The following SAMD13 variants were observed in gnomAD, a reference collection of about 807,000 sequenced individuals.
SAMD13 encodes the protein sterile alpha motif domain containing 13.
SAMD13 carries 9 observed loss-of-function variants against 12.4 expected under a neutral mutation model. That is an observed-to-expected ratio of 0.72 (90% CI 0.44 to 1.26). SAMD13 has a LOEUF of 1.26. SAMD13 is among the 50% of genes most tolerant of loss of function. SAMD13 has a pLI of 0.00. For missense variants in SAMD13, 84 were observed against 119.6 expected (o/e 0.70, Z 1.39); for synonymous variants, 46 against 45.4 (o/e 1.01, Z -0.05).
intron 3 of SAMD13, among the ~76,000 whole-genome samples, chr1:84,325,978 T>C (rs865997116): frequency 3.9e-5 from 6 of 152,202 alleles, no homozygotes; most frequent in Middle Eastern, 6.8e-3. Context: ...AGAAGAAGGC[T>C]AAAGCTCATT....
At chr1:84,321,492 T>G (rs1263095499) in intron 2 of SAMD13, among the ~76,000 whole-genome samples, 1 of 152,154 alleles carries the variant, frequency 6.6e-6, no homozygotes, top group East Asian at 1.9e-4. Flanking sequence ...AAGGGGCACT[T>G]TTGTATTTGC....
At chr1:84,331,352 A>AT (rs1307955289) in intron 3 of SAMD13, among the ~76,000 whole-genome samples, 4,344 of 25,842 alleles carry the variant, frequency 0.17, 800 homozygotes, top group African/African-American at 0.3. Context: ...AAAAAAAAAA[A>AT]AAAAAATTAT....
chr1:84,344,284 C>T (rs554267462), intron 3 of SAMD13, among the ~76,000 whole-genome samples: 1 of 152,322 alleles, frequency 6.6e-6, no homozygotes, highest in African/African-American at 2.4e-5. Context: ...GCCACACAAA[C>T]AGCTTCTCTC....
intron 3 of SAMD13, among the ~76,000 whole-genome samples, chr1:84,332,347 A>T (rs1465417680): frequency 6.6e-6 from 1 of 152,148 alleles, no homozygotes; most frequent in Non-Finnish European, 1.5e-5. Context: ...TTACATTCCC[A>T]CCACTACTGC....
intron 2 of SAMD13, among the ~76,000 whole-genome samples, chr1:84,324,448 C>T (rs577753250): frequency 6.6e-6 from 1 of 152,208 alleles, no homozygotes; most frequent in Non-Finnish European, 1.5e-5. Context: ...GAAAGCTTCC[C>T]CTATCCCTTT....
At chr1:84,305,930 G>T (rs1000802570) in intron 2 of SAMD13, among the ~76,000 whole-genome samples, 1 of 151,690 alleles carries the variant, frequency 6.6e-6, no homozygotes, top group Non-Finnish European at 1.5e-5. Context: ...ATCCAACTTT[G>T]TTTTTTTCAA....
intron 3 of SAMD13, among the ~76,000 whole-genome samples, chr1:84,328,255 T>C (rs1387274157): frequency 6.6e-6 from 1 of 152,124 alleles, no homozygotes; most frequent in Admixed American, 6.6e-5. Flanking sequence ...TCTCATTCTG[T>C]CCCAATGGAC....
At chr1:84,302,259 A>T (rs1261302063) in intron 1 of SAMD13, among the ~76,000 whole-genome samples, 1 of 152,026 alleles carries the variant, frequency 6.6e-6, no homozygotes, top group Admixed American at 6.5e-5. Flanking sequence ...GCCGAAGTAT[A>T]AAGTGATTTG....
intron 3 of SAMD13, among the ~76,000 whole-genome samples, chr1:84,343,444 G>A (rs1462975498): frequency 1.3e-5 from 2 of 152,132 alleles, no homozygotes. Context: ...GCAAAGACAT[G>A]GAATTAACCC....
chr1:84,311,157 G>A (rs1678700566), intron 2 of SAMD13, among the ~76,000 whole-genome samples: 1 of 151,884 alleles, frequency 6.6e-6, no homozygotes. Flanking sequence ...CCAACATGGT[G>A]AAATCCCATC....
rs1420479355 is a variant in SAMD13 at position 84,349,668 on chromosome 1, A to G, written c.203A>G (p.Asn68Ser). 3 of 1,613,756 alleles carry G rather than the reference A, an allele frequency of 1.9e-6. No homozygotes were observed. Among genetic ancestry groups the G allele is most frequent in the Non-Finnish European group, 2.5e-6 (3 of 1,179,838 alleles). The part of the protein sequence containing the change: ...DGKSLLLMTR[N>S]DVLTGLQLKL... ...AAATCCCTGCTATTGATGACAAGAAATGATGTGTTGACAGGACTTCAGTTA... is the reference window on the plus strand; with the variant it reads ...AAATCCCTGCTATTGATGACAAGAAGTGATGTGTTGACAGGACTTCAGTTA... Residue 68 changes from asparagine to serine, a missense_variant, in exon 4 of 4, where the codon AAT becomes AGT. Coordinates refer to ENST00000394834, the MANE Select transcript of SAMD13 (RefSeq NM_001134663.2).
chr1:84,310,510 T>C (rs930787638), intron 2 of SAMD13, among the ~76,000 whole-genome samples: 10 of 152,328 alleles, frequency 6.6e-5, no homozygotes, highest in South Asian at 2.1e-4. Flanking sequence ...AAAATTTTCA[T>C]TGGGCATATT....
chr1:84,329,405 A>G (rs1429164452), intron 3 of SAMD13, among the ~76,000 whole-genome samples: 1 of 152,212 alleles, frequency 6.6e-6, no homozygotes, highest in African/African-American at 2.4e-5. Flanking sequence ...CCTGACTTCC[A>G]GGACAGTATC....
intron 3 of SAMD13, among the ~76,000 whole-genome samples, chr1:84,336,982 C>A (rs926225260): frequency 3.3e-5 from 5 of 152,336 alleles, no homozygotes; most frequent in Non-Finnish European, 7.4e-5. Flanking sequence ...TCTTTAAGCT[C>A]CAAAATGATC....
intron 3 of SAMD13, among the ~76,000 whole-genome samples, chr1:84,338,159 G>A (rs966253605): frequency 2.0e-5 from 3 of 152,086 alleles, no homozygotes; most frequent in African/African-American, 7.2e-5. Flanking sequence ...CTGTTACCCA[G>A]TTTCAAAGTC....
At chr1:84,339,750 A>G (rs1400826757) in intron 3 of SAMD13, among the ~76,000 whole-genome samples, 2 of 152,216 alleles carry the variant, frequency 1.3e-5, no homozygotes, top group African/African-American at 2.4e-5. Context: ...AGTGGGAGGC[A>G]GGCCAGTAAG....
At chr1:84,337,588 T>C (rs957465410) in intron 3 of SAMD13, among the ~76,000 whole-genome samples, 5 of 152,174 alleles carry the variant, frequency 3.3e-5, no homozygotes, top group Non-Finnish European at 7.3e-5. Context: ...AAAACCATCT[T>C]TTCCTCCTAG....
At chr1:84,298,823 G>T (rs1022798061), upstream of SAMD13, among the ~76,000 whole-genome samples, 3 of 152,184 alleles carry the variant, frequency 2.0e-5, no homozygotes, top group Middle Eastern at 3.4e-3. Flanking sequence ...CAGTGCTCGG[G>T]GAGCGGGACG....
chr1:84,319,297 T>C (rs530532806), intron 2 of SAMD13, among the ~76,000 whole-genome samples: 128 of 152,264 alleles, frequency 8.4e-4, no homozygotes, highest in African/African-American at 3.1e-3. Context: ...TTGTATCTGA[T>C]AGTAAACAAA....
Sources: allele counts gnomAD v4.1 joint callset (sites outside exome capture counted in the v4.1 genomes callset), GRCh38; gene constraint gnomAD v4.1.1; transcripts MANE v1.5; gene names NCBI Gene and HGNC (gene_info 2026-07-23, HGNC 2026-07-21).